RFX3: variants seen among roughly 807,000 people sequenced by gnomAD.
RFX3 encodes the protein regulatory factor X3.
RFX3 carries 14 observed loss-of-function variants against 98.6 expected under a neutral mutation model. That is an observed-to-expected ratio of 0.14 (90% CI 0.09 to 0.22). The LOEUF (loss-of-function observed/expected upper bound fraction) is 0.22. RFX3 is among the 10% of genes least tolerant of loss of function. The pLI is 1.00. For missense variants in RFX3, 639 were observed against 926.9 expected, an observed-to-expected ratio of 0.69 and a Z score of 4.03; for synonymous variants, 383 against 328.4, an observed-to-expected ratio of 1.17 and a Z score of -1.80.
chr9:3,317,735 G>C (rs918355935), intron 4 of RFX3, among the ~76,000 whole-genome samples: 19 of 152,160 alleles, frequency 1.2e-4, no homozygotes, highest in Admixed American at 2.6e-4. Context: ...CTTCTCAAAA[G>C]AAGACATTTA....
At chr9:3,274,557 G>T (rs997989213) in intron 9 of RFX3, among the ~76,000 whole-genome samples, 1 of 152,098 alleles carries the variant, frequency 6.6e-6, no homozygotes, top group Non-Finnish European at 1.5e-5. Context: ...CTCAGAACGA[G>T]AGTAGGAGTA....
intron 4 of RFX3, among the ~76,000 whole-genome samples, chr9:3,310,227 C>T (rs1829805571): frequency 6.6e-6 from 1 of 152,044 alleles, no homozygotes. Flanking sequence ...TTACATGGAA[C>T]CAAAAGAGGC....
chr9:3,432,296 T>C (rs1203958619), intron 1 of RFX3, among the ~76,000 whole-genome samples: 1 of 152,100 alleles, frequency 6.6e-6, no homozygotes, highest in African/African-American at 2.4e-5. Context: ...ACATTATCTC[T>C]AATTCAGCCT....
intron 1 of RFX3, among the ~76,000 whole-genome samples, chr9:3,455,199 T>G (rs1442118763): frequency 3.3e-5 from 5 of 152,240 alleles, no homozygotes; most frequent in African/African-American, 1.2e-4. Flanking sequence ...TACCAAGGTC[T>G]TTAAAGGCTG....
intron 1 of RFX3, among the ~76,000 whole-genome samples, chr9:3,427,169 T>C (rs1844132000): frequency 6.7e-6 from 1 of 148,200 alleles, no homozygotes; most frequent in African/African-American, 2.5e-5. Context: ...CTTTTCCTTT[T>C]TCTTTTGCAC....
In RFX3 at chr9:3,507,992, G is replaced by A. The variant is rs1165176105; in HGVS notation, c.-9+17755C>T. ...ACAGCAAAGACTGTGGTTGTTCTGTGGGACACTGTGATAACTAATAAATAT... is the reference window on the plus strand; with the variant it reads ...ACAGCAAAGACTGTGGTTGTTCTGTAGGACACTGTGATAACTAATAAATAT... On this transcript the variant is annotated intron_variant, in intron 1 of 16. Coordinates refer to ENST00000617270, the MANE Select transcript of RFX3 (RefSeq NM_001282116.2). Among the ~76,000 whole-genome samples, 10 of 151,810 alleles carry A rather than the reference G, an allele frequency of 6.6e-5. No homozygotes were observed. The East Asian group carries it at 1.7e-3, about 26-fold the overall frequency.
chr9:3,434,690 C>T (rs989684714), intron 1 of RFX3, among the ~76,000 whole-genome samples: 9 of 152,028 alleles, frequency 5.9e-5, no homozygotes, highest in African/African-American at 2.2e-4. Flanking sequence ...TTCTCCCCAC[C>T]CTCCTTCTGC....
At chr9:3,514,623 AT>A (rs1817972154) in intron 1 of RFX3, among the ~76,000 whole-genome samples, 1 of 152,028 alleles carries the variant, frequency 6.6e-6, no homozygotes, top group Non-Finnish European at 1.5e-5. Context: ...TAATTTTTTA[AT>A]TTTTTGTAGA....
At chr9:3,495,450 C>A (rs1293260042) in intron 1 of RFX3, among the ~76,000 whole-genome samples, 6 of 151,974 alleles carry the variant, frequency 3.9e-5, no homozygotes, top group Admixed American at 3.9e-4. Context: ...TATTTTAACT[C>A]TGAAATTTAA....
Position 3,346,230 on chromosome 9 carries a change from A to G in RFX3, c.215+437T>C, listed in dbSNP as rs535863468. On this transcript the variant is annotated intron_variant, in intron 3 of 16. Transcript: ENST00000617270. ...TTATTATCAGACATTTTTATGTGGA[A>G]TATCTCATTCTGAAAATGTTCAAAA... is the stretch of plus-strand genomic sequence containing the variant. Among the ~76,000 whole-genome samples the G allele has an allele frequency of 2.4e-3, 372 of 152,292 alleles. 1 individual carries two copies. Among genetic ancestry groups the G allele is most frequent in the African/African-American group, 8.3e-3 (347 of 41,572 alleles).
At chr9:3,315,915 G>C (rs1316002495) in intron 4 of RFX3, among the ~76,000 whole-genome samples, 1 of 152,168 alleles carries the variant, frequency 6.6e-6, no homozygotes, top group Non-Finnish European at 1.5e-5. Flanking sequence ...TCCAGGACCA[G>C]ACAGAGTCAC....
intron 1 of RFX3, among the ~76,000 whole-genome samples, chr9:3,518,089 G>A (rs1818349058): frequency 6.6e-6 from 1 of 152,160 alleles, no homozygotes; most frequent in Non-Finnish European, 1.5e-5. Context: ...ATGCTACGCA[G>A]GTTTATAGAC....
At chr9:3,440,534 G>T (rs1845523785) in intron 1 of RFX3, among the ~76,000 whole-genome samples, 1 of 152,072 alleles carries the variant, frequency 6.6e-6, no homozygotes, top group South Asian at 2.1e-4. Flanking sequence ...TCTGACAAAA[G>T]ATGTGCAAGA....
At chr9:3,524,852 CACACACACACACACACACACACACA>C (rs1819070446) in intron 1 of RFX3, among the ~76,000 whole-genome samples, 3 of 150,866 alleles carry the variant, frequency 2.0e-5, no homozygotes, top group Admixed American at 6.6e-5. Flanking sequence ...CACACACACA[CACACACACACACACACACACACACA>C]CCAAAGAAGA....
At chr9:3,380,792 C>A (rs1839107188) in intron 2 of RFX3, among the ~76,000 whole-genome samples, 1 of 152,122 alleles carries the variant, frequency 6.6e-6, no homozygotes, top group African/African-American at 2.4e-5. Flanking sequence ...AAATTGTCTA[C>A]TTAGATTTAA....
intron 4 of RFX3, among the ~76,000 whole-genome samples, chr9:3,314,462 A>C (rs1219452300): frequency 2.6e-5 from 4 of 152,238 alleles, no homozygotes; most frequent in Non-Finnish European, 5.9e-5. Context: ...AAACTGCATC[A>C]ACTAACGAGC....
chr9:3,418,244 C>T (rs909347708), intron 1 of RFX3, among the ~76,000 whole-genome samples: 9 of 152,226 alleles, frequency 5.9e-5, no homozygotes, highest in Admixed American at 2.0e-4. Flanking sequence ...TAGTTCTTAC[C>T]GCCTTAGAGT....
chr9:3,482,672 A>T (rs1392883806), intron 1 of RFX3, among the ~76,000 whole-genome samples: 1 of 152,228 alleles, frequency 6.6e-6, no homozygotes, highest in African/African-American at 2.4e-5. Flanking sequence ...TGGATTCAAA[A>T]TCATAAAACC....
At chr9:3,439,316 A>T (rs953752208) in intron 1 of RFX3, among the ~76,000 whole-genome samples, 1 of 151,946 alleles carries the variant, frequency 6.6e-6, no homozygotes, top group African/African-American at 2.4e-5. Context: ...GAAAGTAAGG[A>T]TCATGGTCAA....
Sources: allele counts gnomAD v4.1 joint callset (sites outside exome capture counted in the v4.1 genomes callset), GRCh38; gene constraint gnomAD v4.1.1; transcripts MANE v1.5; gene names NCBI Gene and HGNC (gene_info 2026-07-23, HGNC 2026-07-21).